Variants in THSD4 observed in about 807,000 individuals in gnomAD.
THSD4 encodes thrombospondin type 1 domain containing 4, also known as thrombospondin type-1 domain-containing protein 4.
A neutral mutation model predicts 119.0 loss-of-function variants in THSD4; 69 were observed. That is an observed-to-expected ratio of 0.58 (90% CI 0.48 to 0.71). THSD4 has a LOEUF of 0.71. THSD4 is among the 30% of genes least tolerant of loss of function. The pLI, the probability that THSD4 is intolerant of heterozygous loss-of-function variation, is 0.00. For synonymous variants in THSD4, 524 were observed against 540.4 expected (o/e 0.97, Z 0.42); for missense variants, 1,393 against 1,391.1 (o/e 1.00, Z -0.02).
intron 1 of THSD4, among the ~76,000 whole-genome samples, chr15:71,101,516 C>G (rs2040253460): frequency 6.6e-6 from 1 of 152,092 alleles, no homozygotes; most frequent in Non-Finnish European, 1.5e-5. Context: ...TTCAGTTGCT[C>G]TTATTTCATT....
chr15:71,595,080 G>A (rs1250471026), intron 7 of THSD4, among the ~76,000 whole-genome samples: 1 of 152,214 alleles, frequency 6.6e-6, no homozygotes, highest in Admixed American at 6.5e-5. Flanking sequence ...AGTTTGAAAA[G>A]TCAGCTAGTT....
intron 6 of THSD4, among the ~76,000 whole-genome samples, chr15:71,347,886 A>G (rs1388893534): frequency 6.6e-6 from 1 of 152,128 alleles, no homozygotes; most frequent in Admixed American, 6.5e-5. Context: ...GACCACCCAA[A>G]CACTCAGCAG....
At chr15:71,393,325 T>C (rs972110621) in intron 6 of THSD4, among the ~76,000 whole-genome samples, 1 of 152,022 alleles carries the variant, frequency 6.6e-6, no homozygotes, top group Non-Finnish European at 1.5e-5. Flanking sequence ...CTGAATGGGA[T>C]GAATGAATGA....
chr15:71,627,154 C>T (rs2140937505), intron 7 of THSD4, among the ~76,000 whole-genome samples: 2 of 152,256 alleles, frequency 1.3e-5, no homozygotes, highest in Admixed American at 1.3e-4. Flanking sequence ...AGAGCTATCC[C>T]ATTGCTGGGC....
intron 17 of THSD4, among the ~76,000 whole-genome samples, chr15:71,774,752 G>A (rs1450603942): frequency 6.6e-6 from 1 of 150,384 alleles, no homozygotes; most frequent in African/African-American, 2.5e-5. Flanking sequence ...ACCTCAGCCT[G>A]AGCAACACAG....
At chr15:71,174,569 C>T (rs4776539) in intron 3 of THSD4, among the ~76,000 whole-genome samples, 10,892 of 33,954 alleles carry the variant, frequency 0.32, 2,861 homozygotes, top group Middle Eastern at 0.65. Context: ...GGAGGGGCGC[C>T]CGCCATTGCC....
intron 6 of THSD4, among the ~76,000 whole-genome samples, chr15:71,287,756 C>T (rs1162354343): frequency 6.6e-6 from 1 of 152,186 alleles, no homozygotes. Context: ...GATGTACTTG[C>T]ATATTTCAGA....
chr15:71,155,830 C>T (rs1231135745), intron 3 of THSD4, among the ~76,000 whole-genome samples: 2 of 152,142 alleles, frequency 1.3e-5, no homozygotes, highest in East Asian at 1.9e-4. Context: ...AGATAAGAAC[C>T]TGGCCTTCTC....
chr15:71,261,978 A>G (rs1485319184), intron 6 of THSD4, among the ~76,000 whole-genome samples: 1 of 152,104 alleles, frequency 6.6e-6, no homozygotes, highest in African/African-American at 2.4e-5. Flanking sequence ...CTCCTCTTAA[A>G]TGGCTCCCAG....
At chr15:71,523,154 T>C (rs905666956) in intron 7 of THSD4, among the ~76,000 whole-genome samples, 3 of 152,142 alleles carry the variant, frequency 2.0e-5, no homozygotes, top group African/African-American at 7.2e-5. Context: ...TACTACAAAC[T>C]CAGTGGCTTG....
At chr15:71,389,810 GTTT>G (rs556682631) in intron 6 of THSD4, among the ~76,000 whole-genome samples, 4 of 87,998 alleles carry the variant, frequency 4.5e-5, no homozygotes, top group Admixed American at 1.4e-4. Flanking sequence ...TTTCTGGGTT[GTTT>G]TTTTTTTTTT....
chr15:71,382,672 A>C (rs1338670114), intron 6 of THSD4, among the ~76,000 whole-genome samples: 2 of 152,142 alleles, frequency 1.3e-5, no homozygotes, highest in African/African-American at 4.8e-5. Flanking sequence ...AGTTTTAATT[A>C]CCTTATATTT....
At chr15:71,217,290 AC>A (rs2043941181) in intron 4 of THSD4, among the ~76,000 whole-genome samples, 1 of 152,164 alleles carries the variant, frequency 6.6e-6, no homozygotes, top group Non-Finnish European at 1.5e-5. Context: ...GCAGGATACA[AC>A]AAAAAGATCA....
intron 6 of THSD4, among the ~76,000 whole-genome samples, chr15:71,349,371 C>T (rs545104712): frequency 2.0e-5 from 3 of 152,300 alleles, no homozygotes; most frequent in African/African-American, 7.2e-5. Flanking sequence ...TCTTCATTCA[C>T]ATGCGTACAT....
At chr15:71,706,259 C>T (rs1054664049) in intron 8 of THSD4, among the ~76,000 whole-genome samples, 3 of 152,014 alleles carry the variant, frequency 2.0e-5, no homozygotes, top group Non-Finnish European at 2.9e-5. Context: ...GTAGTTGATT[C>T]GCTGCTAGGG....
At chr15:71,410,729 T>G (rs1335872810) in intron 6 of THSD4, among the ~76,000 whole-genome samples, 1 of 152,066 alleles carries the variant, frequency 6.6e-6, no homozygotes, top group Non-Finnish European at 1.5e-5. Flanking sequence ...GCGTAGATAT[T>G]AAGTTTAAAA....
intron 6 of THSD4, chr15:71,341,389 A>G: frequency 6.2e-7 from 1 of 1,612,048 alleles, no homozygotes; most frequent in East Asian, 2.2e-5. Flanking sequence ...GAGAATCTAC[A>G]TCTAAACCCT....
intron 7 of THSD4, among the ~76,000 whole-genome samples, chr15:71,585,904 G>A (rs181102581): frequency 1.2e-3 from 180 of 152,012 alleles, no homozygotes; most frequent in African/African-American, 2.8e-3. Flanking sequence ...CAGTTCAGTC[G>A]TTGTATTACT....
At chr15:71,335,663 G>A (rs375150732) in intron 6 of THSD4, among the ~76,000 whole-genome samples, 2 of 152,018 alleles carry the variant, frequency 1.3e-5, no homozygotes, top group Non-Finnish European at 2.9e-5. Context: ...CAATTTCCTC[G>A]GTGAAGATGA....
Sources: allele counts gnomAD v4.1 joint callset (sites outside exome capture counted in the v4.1 genomes callset), GRCh38; gene constraint gnomAD v4.1.1; transcripts MANE v1.5; gene names NCBI Gene and HGNC (gene_info 2026-07-23, HGNC 2026-07-21).